The following CTNNA3 variants were observed in gnomAD, a reference collection of about 807,000 sequenced individuals.
CTNNA3 encodes the protein catenin alpha-3.
In CTNNA3, 76 loss-of-function variants were observed where a neutral mutation model predicts 95.7. The ratio of observed to expected loss-of-function variants is 0.79; its 90% CI spans 0.66 to 0.96. The LOEUF (loss-of-function observed/expected upper bound fraction) is 0.96, where lower values mean the gene tolerates loss of function less well. CTNNA3 is among the 40% of genes least tolerant of loss of function. The pLI is 0.00. For missense variants in CTNNA3, 1,191 were observed against 1,089.8 expected (o/e 1.09, Z -1.31); for synonymous variants, 431 against 374.4 (o/e 1.15, Z -1.74).
intron 7 of CTNNA3, among the ~76,000 whole-genome samples, chr10:66,975,311 C>T (rs1264398840): frequency 1.3e-5 from 2 of 152,126 alleles, no homozygotes; most frequent in South Asian, 2.1e-4. Context: ...GTAGTATGCA[C>T]AACATGCATG....
At chr10:67,410,170 C>T (rs1471246376) in intron 5 of CTNNA3, among the ~76,000 whole-genome samples, 1 of 152,078 alleles carries the variant, frequency 6.6e-6, no homozygotes, top group African/African-American at 2.4e-5. Context: ...GAATACTATG[C>T]AGCCATAAAA....
intron 15 of CTNNA3, among the ~76,000 whole-genome samples, chr10:66,055,960 A>T (rs2080078686): frequency 6.6e-6 from 1 of 151,152 alleles, no homozygotes; most frequent in Admixed American, 6.6e-5. Flanking sequence ...AAATCATATC[A>T]TCTGCAAGCA....
intron 9 of CTNNA3, among the ~76,000 whole-genome samples, chr10:66,663,146 C>G (rs1303463322): frequency 6.6e-6 from 1 of 152,062 alleles, no homozygotes; most frequent in Non-Finnish European, 1.5e-5. Flanking sequence ...ATAATCTATT[C>G]TCTACACAAC....
At chr10:67,750,764 A>G in intron 1 of CTNNA3, 1 of 1,603,868 alleles carries the variant, frequency 6.2e-7, no homozygotes, top group African/African-American at 1.3e-5. Context: ...GGGGTCTCCA[A>G]TTTCAACCAC....
chr10:66,342,092 AT>A (rs1159970612), intron 12 of CTNNA3, among the ~76,000 whole-genome samples: 1 of 151,912 alleles, frequency 6.6e-6, no homozygotes, highest in Non-Finnish European at 1.5e-5. Context: ...TTCTAATTCA[AT>A]TTTTTCTAAT....
intron 15 of CTNNA3, among the ~76,000 whole-genome samples, chr10:66,014,013 T>C (rs1207578873): frequency 6.6e-6 from 1 of 152,218 alleles, no homozygotes; most frequent in African/African-American, 2.4e-5. Flanking sequence ...TTCTAAAATG[T>C]TTCAGTAATA....
At chr10:67,423,077 T>C (rs1845803902) in intron 5 of CTNNA3, among the ~76,000 whole-genome samples, 1 of 152,150 alleles carries the variant, frequency 6.6e-6, no homozygotes, top group African/African-American at 2.4e-5. Flanking sequence ...ATTAAGGAAT[T>C]TTCTTTAAAT....
intron 5 of CTNNA3, among the ~76,000 whole-genome samples, chr10:67,483,162 G>T (rs1848303841): frequency 6.6e-6 from 1 of 151,856 alleles, no homozygotes; most frequent in Non-Finnish European, 1.5e-5. Flanking sequence ...CTTTTACACT[G>T]TTGGTGGGAC....
At chr10:66,885,413 G>A (rs1388117889) in intron 7 of CTNNA3, among the ~76,000 whole-genome samples, 2 of 151,358 alleles carry the variant, frequency 1.3e-5, no homozygotes, top group African/African-American at 2.4e-5. Context: ...ATATCTTAAT[G>A]AGCAACCATA....
chr10:66,577,611 A>G (rs753492181), intron 10 of CTNNA3, among the ~76,000 whole-genome samples: 2 of 151,730 alleles, frequency 1.3e-5, no homozygotes, highest in Non-Finnish European at 2.9e-5. Context: ...GTTATCGTCA[A>G]CTCTGCTAAA....
chr10:66,146,876 T>C (rs76986949), intron 13 of CTNNA3, among the ~76,000 whole-genome samples: 3,166 of 152,194 alleles, frequency 0.021, 37 homozygotes, highest in Non-Finnish European at 0.034. Context: ...AGGGAAAATA[T>C]TAGTACTTAG....
intron 7 of CTNNA3, among the ~76,000 whole-genome samples, chr10:67,074,654 T>C (rs1856656478): frequency 6.6e-6 from 1 of 152,152 alleles, no homozygotes; most frequent in Non-Finnish European, 1.5e-5. Flanking sequence ...CCAACCCACT[T>C]TAACTCTTTT....
intron 5 of CTNNA3, among the ~76,000 whole-genome samples, chr10:67,292,096 C>T (rs964861070): frequency 4.2e-4 from 64 of 152,254 alleles, no homozygotes; most frequent in African/African-American, 1.5e-3. Flanking sequence ...TTCTTCCTTC[C>T]GGGTATGGGG....
At chr10:66,406,832 T>A (rs972402600) in intron 11 of CTNNA3, among the ~76,000 whole-genome samples, 4 of 152,162 alleles carry the variant, frequency 2.6e-5, no homozygotes, top group African/African-American at 9.7e-5. Flanking sequence ...ATAGATAGTA[T>A]AATGATATAG....
intron 5 of CTNNA3, among the ~76,000 whole-genome samples, chr10:67,442,600 C>G (rs920864027): frequency 6.6e-6 from 1 of 152,016 alleles, no homozygotes; most frequent in African/African-American, 2.4e-5. Flanking sequence ...AAGACAAAAA[C>G]TGTACAAAGA....
chr10:66,113,613 T>C (rs1250681680), intron 13 of CTNNA3, among the ~76,000 whole-genome samples: 1 of 152,190 alleles, frequency 6.6e-6, no homozygotes, highest in Non-Finnish European at 1.5e-5. Flanking sequence ...ATGAAAAGAT[T>C]GGACTAATTA....
intron 11 of CTNNA3, among the ~76,000 whole-genome samples, chr10:66,470,356 G>A (rs553038494): frequency 9.2e-5 from 14 of 151,844 alleles, no homozygotes; most frequent in Non-Finnish European, 1.9e-4. Context: ...AACATGATCA[G>A]AATAGACAAA....
At chr10:67,002,549 GTTTA>G (rs1384145165) in intron 7 of CTNNA3, among the ~76,000 whole-genome samples, 2 of 152,116 alleles carry the variant, frequency 1.3e-5, no homozygotes, top group South Asian at 2.1e-4. Flanking sequence ...CTTTGAAAAT[GTTTA>G]TTTATGACAG....
At chr10:65,986,326 CAAA>C (rs60393769) in intron 16 of CTNNA3, among the ~76,000 whole-genome samples, 2 of 143,314 alleles carry the variant, frequency 1.4e-5, no homozygotes, top group African/African-American at 2.6e-5. Context: ...AAGGCTCTAC[CAAA>C]AAAAAAAAAC....
Sources: gnomAD v4.1 joint callset for allele counts (sites outside exome capture counted in the v4.1 genomes callset) on GRCh38, gnomAD v4.1.1 for gene constraint, MANE v1.5 for transcripts, NCBI Gene and HGNC (gene_info 2026-07-23, HGNC 2026-07-21) for gene names.